Variants in NUDT5 observed in about 807,000 individuals in gnomAD.
NUDT5 encodes the protein ADP-sugar pyrophosphatase.
A neutral mutation model predicts 34.1 loss-of-function variants in NUDT5; 21 were observed. The ratio of observed to expected loss-of-function variants is 0.62; its 90% confidence interval spans 0.44 to 0.89. NUDT5 has a LOEUF of 0.89. Ranked by LOEUF, NUDT5 falls within the 40% of genes least tolerant of loss-of-function variation. NUDT5 has a pLI of 0.00. For synonymous variants in NUDT5, 85 were observed against 97.6 expected (o/e 0.87, Z 0.76); for missense variants, 249 against 274.8 (o/e 0.91, Z 0.66).
rs953947065 is a variant in NUDT5 at position 12,182,107 on chromosome 10, C to A, written c.131+2782G>T. 6.8e-6 allele frequency among the ~76,000 whole-genome samples: 1 copy of A among 148,014 alleles called. No homozygotes were observed. Among genetic ancestry groups the A allele is most frequent in the Admixed American group, 6.8e-5 (1 of 14,766 alleles). On this transcript the variant is annotated intron_variant, in intron 3 of 9. Transcript: ENST00000491614. This position sits in a 1 kb window ranked among gnomAD's most constrained non-coding sequence, Gnocchi z 4.3. ...CCACACCATTGCACTCTAGCCTGGGCAACAGAACAAGACTCTGTCTCAGGG... is the reference window on the plus strand; with the variant it reads ...CCACACCATTGCACTCTAGCCTGGGAAACAGAACAAGACTCTGTCTCAGGG...
rs538527138 is a variant in NUDT5, at chr10:12,171,344, A to G, written c.488-436T>C. Among the ~76,000 whole-genome samples the G allele has an allele frequency of 2.1e-4, 32 of 152,264 alleles. No individual in the cohort carries two copies. The East Asian group carries it at 6.2e-3, about 29-fold the overall frequency. ...CCCCATCCCTAGTAGCGCTTACTCTACTGTCTTCCTCTATCAGTTTGTCTA... is the reference window on the plus strand; with the variant it reads ...CCCCATCCCTAGTAGCGCTTACTCTGCTGTCTTCCTCTATCAGTTTGTCTA... On this transcript the variant is annotated intron_variant, in intron 7 of 9. Transcript: ENST00000491614. This position sits in a 1 kb window ranked among gnomAD's most constrained non-coding sequence, Gnocchi z 4.2.
Position 12,165,454 on chromosome 10 carries a change from C to T in NUDT5, c.*2248G>A. ...TAGGTTCAGTGTATTCATAAGAAGT[C>T]CACCCTGAGATGCCTGTAAAAGTCA... On this transcript the variant is annotated 3_prime_UTR_variant, in exon 10 of 10. Coordinates refer to ENST00000491614, the MANE Select transcript of NUDT5 (RefSeq NM_014142.4). 2 of 747,476 alleles carry T rather than the reference C, an allele frequency of 2.7e-6. No homozygotes were observed. Among genetic ancestry groups the T allele is most frequent in the Non-Finnish European group, 3.3e-6 (2 of 613,116 alleles). The allele number at this position is 747,476 out of a possible 1,614,324, so 46.3% of individuals were successfully genotyped here.
intron 3 of NUDT5, among the ~76,000 whole-genome samples, chr10:12,180,654 T>C (rs1211186780): frequency 2.0e-5 from 3 of 152,244 alleles, no homozygotes; most frequent in Non-Finnish European, 2.9e-5. Flanking sequence ...AAAGGGCCTG[T>C]GAGATGCACA....
At chr10:12,194,802 T>C (rs771473993) in intron 1 of NUDT5, among the ~76,000 whole-genome samples, 2 of 152,210 alleles carry the variant, frequency 1.3e-5, no homozygotes, top group African/African-American at 4.8e-5. Context: ...GAGATACTTT[T>C]AGACGCAGAT....
intron 5 of NUDT5, among the ~76,000 whole-genome samples, chr10:12,174,357 C>T (rs1834915335): frequency 6.6e-6 from 1 of 151,504 alleles, no homozygotes; most frequent in South Asian, 2.1e-4. Flanking sequence ...ACCTCTGCCT[C>T]CTGGGTTTAA....
At position 12,170,310 on chromosome 10, in the gene NUDT5, T is replaced by G. The variant is rs961221691; in HGVS notation, c.550+407A>C. The G allele has an allele frequency of 1.2e-5, 12 of 1,028,908 alleles. No homozygotes were observed. In the Admixed American group the frequency reaches 1.4e-4, roughly 12 times the overall value. 63.7% of individuals were successfully genotyped at this position (1,028,908 alleles called of 1,614,324 possible). A position where few individuals can be genotyped will look rare whatever the true frequency, so the allele number is the denominator to read the frequency against. On this transcript the variant is annotated intron_variant, in intron 9 of 9. Coordinates refer to ENST00000491614, the MANE Select transcript of NUDT5 (RefSeq NM_014142.4). This position sits in a 1 kb window ranked among gnomAD's most constrained non-coding sequence, Gnocchi z 4.9. ...ATTTGTTGAAGGAGCATCATCAATT[T>G]CTCCTTGAACATACAGCCTCCACAA...
intron 1 of NUDT5, among the ~76,000 whole-genome samples, chr10:12,193,366 G>C (rs772286030): frequency 3.9e-5 from 6 of 152,190 alleles, no homozygotes; most frequent in Non-Finnish European, 7.3e-5. Context: ...AATCTAGGAT[G>C]ATTAGTCATG....
rs1194673191 is a variant in NUDT5, at chr10:12,173,677, G to A, written c.385+41C>T. ...CCAAATAATCAATCCCTTCCCAGAC[G>A]GAGGAATCCATCACTTGGTGAATTT... On this transcript the variant is annotated intron_variant, in intron 6 of 9. Transcript: ENST00000491614. The surrounding 1 kb of genome is among the most constrained non-coding windows in gnomAD (Gnocchi z 4.7). The A allele has an allele frequency of 1.1e-5, 15 of 1,394,358 alleles. No individual in the cohort carries two copies. The highest frequency in any genetic ancestry group is 2.3e-5 in the South Asian group (2 of 86,620). 86.4% of individuals were successfully genotyped at this position (1,394,358 alleles called of 1,614,324 possible).
chr10:12,178,915 G>C, intron 4 of NUDT5, 168 bp downstream of exon 4: 1 of 629,054 alleles, frequency 1.6e-6, no homozygotes, highest in Non-Finnish European at 2.9e-6. Flanking sequence ...GAAGCCAGAA[G>C]TTACTTATAA....
Position 12,169,343 on chromosome 10 carries a change from G to C in NUDT5, c.550+1374C>G, listed in dbSNP as rs376483075. Reference sequence around the variant, plus strand: ...CTTCTACTAAAAGATAACCCCGCACGGCATTTCACACTTGCCTACGTCACC... The same window carrying C: ...CTTCTACTAAAAGATAACCCCGCACCGCATTTCACACTTGCCTACGTCACC... On this transcript the variant is annotated intron_variant, in intron 9 of 9. Coordinates refer to ENST00000491614, the MANE Select transcript of NUDT5 (RefSeq NM_014142.4). The surrounding 1 kb of genome is among the most constrained non-coding windows in gnomAD (Gnocchi z 4.8). 6.5e-7 allele frequency: 1 copy of C among 1,528,340 alleles called. No homozygotes were observed. The highest frequency in any genetic ancestry group is 8.9e-7 in the Non-Finnish European group (1 of 1,128,008). The allele number at this position is 1,528,340 out of a possible 1,614,324, so 94.7% of individuals were successfully genotyped here.
chr10:12,185,092 C>G, intron 2 of NUDT5, 136 bp from the exon 3 acceptor site: 3 of 559,710 alleles, frequency 5.4e-6, no homozygotes, highest in Non-Finnish European at 9.5e-6. Flanking sequence ...AATCTGTGGG[C>G]ACGTTTTTCA....
At position 12,173,886 on chromosome 10, in the gene NUDT5, A is replaced by G. The variant is rs1419064182; in HGVS notation, c.290-73T>C. On this transcript the variant is annotated intron_variant, in intron 5 of 9. Transcript: ENST00000491614. The surrounding 1 kb of genome is among the most constrained non-coding windows in gnomAD (Gnocchi z 4.7). ...TTAAACCCTCCTTTTTTTTTTTTTG[A>G]GATGGAGTCTCACTCTGTCGCCCAG... 8.7e-6 allele frequency: 9 copies of G among 1,036,814 alleles called. No individual in the cohort carries two copies. In the East Asian group the frequency reaches 2.0e-4, roughly 23 times the overall value. 64.2% of individuals were successfully genotyped at this position (1,036,814 alleles called of 1,614,324 possible). A position where few individuals can be genotyped will look rare whatever the true frequency, so the allele number is the denominator to read the frequency against.
At chr10:12,186,152 G>A (rs1383597579) in intron 2 of NUDT5, 77 bp downstream of exon 2, 1 of 1,113,462 alleles carries the variant, frequency 9.0e-7, no homozygotes, top group African/African-American at 1.5e-5. Context: ...GACCACCATT[G>A]TAACAACAGT....
intron 7 of NUDT5, 29 bp downstream of exon 7, chr10:12,172,728 AACCACACC>A: frequency 6.9e-7 from 1 of 1,443,164 alleles, no homozygotes; most frequent in Admixed American, 1.7e-5. Context: ...CACGTAATGC[AACCACACC>A]ACCTTCATCA....
chr10:12,188,409 A>G (rs1184234101), intron 1 of NUDT5, among the ~76,000 whole-genome samples: 1 of 152,188 alleles, frequency 6.6e-6, no homozygotes, highest in Non-Finnish European at 1.5e-5. Context: ...CCAACCTGTG[A>G]AAGGTGAGAT....
intron 3 of NUDT5, among the ~76,000 whole-genome samples, chr10:12,183,564 G>C (rs1394724125): frequency 6.6e-6 from 1 of 152,164 alleles, no homozygotes; most frequent in Non-Finnish European, 1.5e-5. Context: ...TCATACTGAT[G>C]AATTTTTATC....
At chr10:12,191,999 TAAC>T (rs1210254148) in intron 1 of NUDT5, among the ~76,000 whole-genome samples, 3 of 152,164 alleles carry the variant, frequency 2.0e-5, no homozygotes, top group Non-Finnish European at 4.4e-5. Flanking sequence ...CAAAAAATCC[TAAC>T]AAGAAATTGT....
chr10:12,167,900 C>T (rs1588651835), intron 9 of NUDT5, 89 bp from the exon 10 acceptor site: 4 of 1,559,054 alleles, frequency 2.6e-6, no homozygotes, highest in Non-Finnish European at 2.6e-6. Flanking sequence ...GCAGGTACTA[C>T]TATATGTCAC....
rs35088067 is a variant in NUDT5, at chr10:12,173,871, CTT to C, written c.290-60_290-59del. ...GGGAAATCCGGTTCTTTAAACCCTC[CTT>C]TTTTTTTTTTTGAGATGGAGTCTCA... is the stretch of plus-strand genomic sequence containing the variant. On this transcript the variant is annotated intron_variant, in intron 5 of 9. Coordinates refer to ENST00000491614, the MANE Select transcript of NUDT5 (RefSeq NM_014142.4). The surrounding 1 kb of genome is among the most constrained non-coding windows in gnomAD (Gnocchi z 4.7). The C allele has an allele frequency of 0.11, 77,773 of 694,272 alleles. No homozygotes were observed. Among genetic ancestry groups the C allele is most frequent in the South Asian group, 0.14 (6,474 of 46,982 alleles). The allele number at this position is 694,272 out of a possible 1,614,324, so 43.0% of individuals were successfully genotyped here.
Sources: gnomAD v4.1 joint callset for allele counts (sites outside exome capture counted in the v4.1 genomes callset) on GRCh38, gnomAD v4.1.1 for gene constraint, Gnocchi (gnomAD v3.1) non-coding constraint, MANE v1.5 for transcripts, NCBI Gene and HGNC (gene_info 2026-07-23, HGNC 2026-07-21) for gene names.